CACNG3: variants seen among roughly 807,000 people sequenced by gnomAD.
CACNG3 encodes the protein calcium voltage-gated channel auxiliary subunit gamma 3.
CACNG3 carries 3 observed loss-of-function variants against 28.5 expected under a neutral mutation model. The observed-to-expected ratio is 0.11, with a 90% CI of 0.05 to 0.27. CACNG3 has a LOEUF of 0.27. CACNG3 is among the 10% of genes least tolerant of loss of function. The pLI is 1.00. For missense variants in CACNG3, 236 were observed against 414.4 expected (o/e 0.57, Z 3.74); for synonymous variants, 174 against 162.2 (o/e 1.07, Z -0.55).
Position 24,312,935 on chromosome 16 carries a change from G to T in CACNG3, c.212-33799G>T, listed in dbSNP as rs1596638495. Among the ~76,000 whole-genome samples the T allele has an allele frequency of 4.7e-5, 4 of 85,330 alleles. No homozygotes were observed. In the South Asian group the frequency reaches 1.9e-3, roughly 40 times the overall value. The allele number at this position is 85,330 out of a possible 152,430, so 56.0% of individuals were successfully genotyped here. Reference sequence around the variant, plus strand: ...AGGAAGGAAGGAAGAAAGAAAGAAAGAAAGAAAGAAAGAAAGAAAGAGAAA... The same window carrying T: ...AGGAAGGAAGGAAGAAAGAAAGAAATAAAGAAAGAAAGAAAGAAAGAGAAA... On this transcript the variant is annotated intron_variant, in intron 1 of 3. Transcript: ENST00000005284.
intron 1 of CACNG3, among the ~76,000 whole-genome samples, chr16:24,296,313 T>C (rs1247943800): frequency 6.6e-6 from 1 of 152,254 alleles, no homozygotes; most frequent in Non-Finnish European, 1.5e-5. Context: ...TCTCCTTCTG[T>C]AAATTTGTCC....
chr16:24,348,753 A>C (rs562205972), intron 2 of CACNG3, among the ~76,000 whole-genome samples: 73 of 152,322 alleles, frequency 4.8e-4, no homozygotes, highest in African/African-American at 1.8e-3. Context: ...GGCATTAGTC[A>C]TCACCAGTGG....
intron 1 of CACNG3, among the ~76,000 whole-genome samples, chr16:24,276,307 T>C (rs1449051768): frequency 6.6e-6 from 1 of 152,230 alleles, no homozygotes; most frequent in African/African-American, 2.4e-5. Context: ...AAATGAATTT[T>C]AAAATAACTA....
chr16:24,264,230 G>A (rs1265245791), intron 1 of CACNG3, among the ~76,000 whole-genome samples: 1 of 152,242 alleles, frequency 6.6e-6, no homozygotes, highest in Non-Finnish European at 1.5e-5. Flanking sequence ...CTGGCCGAGG[G>A]GTCGAGTAGG....
At chr16:24,328,115 C>T (rs951126254) in intron 1 of CACNG3, among the ~76,000 whole-genome samples, 1 of 152,088 alleles carries the variant, frequency 6.6e-6, no homozygotes, top group African/African-American at 2.4e-5. Context: ...TAAACAGACA[C>T]ATCATTAAAC....
intron 1 of CACNG3, among the ~76,000 whole-genome samples, chr16:24,323,689 T>A (rs1048744380): frequency 6.6e-6 from 1 of 152,150 alleles, no homozygotes; most frequent in African/African-American, 2.4e-5. Context: ...AATAGACAAA[T>A]GGAGTCATTA....
intron 1 of CACNG3, among the ~76,000 whole-genome samples, chr16:24,326,224 T>A (rs1213624194): frequency 2.7e-5 from 4 of 150,918 alleles, no homozygotes; most frequent in Non-Finnish European, 4.4e-5. Context: ...CAGACTAGAG[T>A]GCAATGGCAC....
intron 2 of CACNG3, 127 bp from the exon 3 acceptor site, chr16:24,354,706 C>A: frequency 2.2e-6 from 2 of 915,418 alleles, no homozygotes; most frequent in South Asian, 1.7e-5. Flanking sequence ...TGGTCTCATG[C>A]CCGTGTTAGA....
At chr16:24,347,257 G>A (rs992164952) in intron 2 of CACNG3, among the ~76,000 whole-genome samples, 1 of 152,114 alleles carries the variant, frequency 6.6e-6, no homozygotes, top group Admixed American at 6.5e-5. Context: ...GATTGAGGCT[G>A]CAGTGAGCTA....
At chr16:24,297,991 G>C (rs906051148) in intron 1 of CACNG3, among the ~76,000 whole-genome samples, 2 of 32,396 alleles carry the variant, frequency 6.2e-5, no homozygotes, top group Non-Finnish European at 1.5e-4. Context: ...AAAGATCTGT[G>C]TGTGTGTGTG....
At chr16:24,258,170 C>A (rs917425016) in intron 1 of CACNG3, among the ~76,000 whole-genome samples, 1 of 152,212 alleles carries the variant, frequency 6.6e-6, no homozygotes, top group Non-Finnish European at 1.5e-5. Flanking sequence ...TGAGAACTTG[C>A]ATTTATGTAA....
intron 2 of CACNG3, among the ~76,000 whole-genome samples, chr16:24,354,256 G>A (rs926606122): frequency 2.6e-5 from 4 of 152,152 alleles, no homozygotes; most frequent in Non-Finnish European, 5.9e-5. Flanking sequence ...GATCGCTCTC[G>A]ATCTATCATG....
intron 1 of CACNG3, among the ~76,000 whole-genome samples, chr16:24,343,031 A>C (rs1899812623): frequency 6.6e-6 from 1 of 152,030 alleles, no homozygotes; most frequent in Admixed American, 6.6e-5. Context: ...CTCTACTAAA[A>C]ATAAAAAATT....
chr16:24,322,749 A>G (rs1233911211), intron 1 of CACNG3, among the ~76,000 whole-genome samples: 1 of 152,154 alleles, frequency 6.6e-6, no homozygotes, highest in Non-Finnish European at 1.5e-5. Context: ...ATATTGAGAC[A>G]TATCTATATT....
chr16:24,302,413 T>G (rs1899124858), intron 1 of CACNG3, among the ~76,000 whole-genome samples: 1 of 151,814 alleles, frequency 6.6e-6, no homozygotes, highest in African/African-American at 2.4e-5. Flanking sequence ...ACCAACGGAG[T>G]CAGCATCTGC....
chr16:24,261,600 T>A (rs976056417), intron 1 of CACNG3, among the ~76,000 whole-genome samples: 2 of 152,222 alleles, frequency 1.3e-5, no homozygotes. Flanking sequence ...TTTCTGATGT[T>A]TTTATATTTG....
At chr16:24,315,271 C>T (rs1899332680) in intron 1 of CACNG3, among the ~76,000 whole-genome samples, 1 of 152,146 alleles carries the variant, frequency 6.6e-6, no homozygotes, top group Non-Finnish European at 1.5e-5. Flanking sequence ...GCATCTCACC[C>T]AGACATTCGG....
rs1375724101 is a variant in CACNG3 at position 24,343,657 on chromosome 16, G to C, written c.212-3077G>C. ...GTTCACAATACAGACTTGTTGAAGA[G>C]AGTGTAATTCATAATAGTAGTTAGG... On this transcript the variant is annotated intron_variant, in intron 1 of 3. Transcript: ENST00000005284. Among the ~76,000 whole-genome samples, 4 of 152,330 alleles carry C rather than the reference G, an allele frequency of 2.6e-5. No homozygotes were observed. The East Asian group carries it at 5.8e-4, about 22-fold the overall frequency.
At chr16:24,319,571 T>C (rs1899428909) in intron 1 of CACNG3, among the ~76,000 whole-genome samples, 1 of 151,644 alleles carries the variant, frequency 6.6e-6, no homozygotes, top group African/African-American at 2.4e-5. Context: ...ACAGGGACAA[T>C]AGGCATGTGC....
Sources: gnomAD v4.1 joint callset for allele counts (sites outside exome capture counted in the v4.1 genomes callset) on GRCh38, gnomAD v4.1.1 for gene constraint, MANE v1.5 for transcripts, NCBI Gene and HGNC (gene_info 2026-07-23, HGNC 2026-07-21) for gene names.